PLEKHG6: variants seen among roughly 807,000 people sequenced by gnomAD.
PLEKHG6 encodes pleckstrin homology domain-containing family G member 6.
Under a neutral mutation model 97.5 loss-of-function variants are expected in PLEKHG6, and 91 were observed. The ratio of observed to expected loss-of-function variants is 0.93; its 90% confidence interval spans 0.79 to 1.11. PLEKHG6 has a LOEUF of 1.11. Among genes scored for constraint, PLEKHG6 ranks in the 50% most tolerant of loss-of-function variants. The probability of loss-of-function intolerance (pLI) is 0.00; values close to 1 mark genes in which losing one functional copy is unlikely to be tolerated. For missense variants in PLEKHG6, 1,044 were observed against 1,031.0 expected (o/e 1.01, Z -0.17); for synonymous variants, 466 against 425.5 (o/e 1.10, Z -1.17).
In PLEKHG6 at chr12:6,317,944, C is replaced by T. The variant is rs368643831; in HGVS notation, c.1105C>T (p.Arg369Cys). 21 of 1,579,662 alleles carry T rather than the reference C, an allele frequency of 1.3e-5. No homozygotes were observed. Among genetic ancestry groups the T allele is most frequent in the East Asian group, 6.9e-5 (3 of 43,694 alleles). The change falls in exon 10 of 16, where the codon CGC (arginine) becomes TGC (cysteine). Residue 369 changes from arginine to cysteine, a missense_variant. Physicochemically the swap from Arg to Cys is radical, Grantham distance 180. Coordinates refer to ENST00000684764, the MANE Select transcript of PLEKHG6 (RefSeq NM_001384598.1). ...EQESLAAAAQ[R>C]IGPYEVLEPP... is the part of the protein sequence containing the mutation. ...AGAGAGCTTGGCGGCTGCAGCACAA[C>T]GCATCGGGCCCTACGAGGTGCTGGA... is the stretch of plus-strand genomic sequence containing the variant.
chr12:6,319,127 C>T lies in PLEKHG6; in HGVS notation c.1524+19C>T, dbSNP rs115884877. ...GGCCCAGGTATGGGAAAGCCAGCAA[C>T]GGGGAGGCATGGGCAGGGGTCCCCG... is the stretch of plus-strand genomic sequence containing the variant. On this transcript the variant is annotated intron_variant, in intron 13 of 15. Coordinates refer to ENST00000684764, the MANE Select transcript of PLEKHG6 (RefSeq NM_001384598.1). 2.0e-3 allele frequency: 3,081 copies of T among 1,549,688 alleles called. 53 individuals are homozygous for T. The African/African-American group carries it at 0.037, about 19-fold the overall frequency.
chr12:6,312,375 G>C lies in PLEKHG6; in HGVS notation c.138+11G>C, dbSNP rs752490831. On this transcript the variant is annotated intron_variant, in intron 2 of 15. Coordinates refer to ENST00000684764, the MANE Select transcript of PLEKHG6 (RefSeq NM_001384598.1). Reference sequence around the variant, plus strand: ...GGATACCCTGTGCTGGTGAGTCCAGGCTGTGCCCCAAAAGTGACCTGGTGG... The same window carrying C: ...GGATACCCTGTGCTGGTGAGTCCAGCCTGTGCCCCAAAAGTGACCTGGTGG... The C allele has an allele frequency of 6.4e-7, 1 of 1,572,720 alleles. No homozygotes were observed. The highest frequency in any genetic ancestry group is 8.6e-7 in the Non-Finnish European group (1 of 1,163,958).
chr12:6,313,712 G>A lies in PLEKHG6; in HGVS notation c.222G>A (p.Leu74=). ...CCCGAGGCCTGTCACCCATGAGACT[G>A]CGAGATCCAGAGCCCGAGAAGAGGC... ...GQARGLSPMR[L]RDPEPEKRHG... The change falls in exon 3 of 16, where the codon CTG becomes CTA. Residue 74 remains leucine (L), a synonymous_variant. Coordinates refer to ENST00000684764, the MANE Select transcript of PLEKHG6 (RefSeq NM_001384598.1). The A allele has an allele frequency of 2.5e-6, 4 of 1,612,862 alleles. No homozygotes were observed. The highest frequency in any genetic ancestry group is 3.4e-6 in the Non-Finnish European group (4 of 1,179,564).
At chr12:6,322,150 G>A (rs1947726729) in intron 13 of PLEKHG6, among the ~76,000 whole-genome samples, 5 of 152,198 alleles carry the variant, frequency 3.3e-5, no homozygotes, top group South Asian at 2.1e-4. Context: ...CGAAGCTTCA[G>A]TTTGGAACAC....
Position 6,319,072 on chromosome 12 carries a change from C to T in PLEKHG6, c.1488C>T (p.Asp496=), listed in dbSNP as rs758668192. The change falls in exon 13 of 16, where the codon GAC becomes GAT. Residue 496 remains aspartate, a synonymous_variant. Transcript: ENST00000684764. ...ALLVHCPSPT[D]RAQWLEKTQQ... ...TTGTGCACTGTCCCAGTCCTACAGA[C>T]CGTGCCCAGTGGCTGGAGAAGACCC... 1.2e-6 allele frequency: 2 copies of T among 1,610,346 alleles called. No individual in the cohort carries two copies. The highest frequency in any genetic ancestry group is 1.7e-6 in the Non-Finnish European group (2 of 1,176,960).
chr12:6,317,433 G>A lies in PLEKHG6; in HGVS notation c.867+20G>A, dbSNP rs377329828. 4 of 1,609,124 alleles carry A rather than the reference G, an allele frequency of 2.5e-6. No homozygotes were observed. The highest frequency in any genetic ancestry group is 3.4e-6 in the Non-Finnish European group (4 of 1,176,126). ...GTGCAGGTGGGAGAAGGGGTGCTGG[G>A]GAGGGGGACGGGTGCATCTTAGCCG... On this transcript the variant is annotated intron_variant, in intron 8 of 15. Transcript: ENST00000684764.
rs1947355019 is a variant in PLEKHG6, at chr12:6,313,778, ACTCAAGGTAAGGGGGTCCCT to A, written c.292_294+17del. ...GGGCTGGCCTGCTTCACTCCCCCAAACTCAAGGTAAGGGGGTCCCTCTCCTCCCATCCCCACACATACGGC... is the reference window on the plus strand; with the variant it reads ...GGGCTGGCCTGCTTCACTCCCCCAAACTCCTCCCATCCCCACACATACGGC... On this transcript the variant is annotated splice_donor_variant and splice_donor_5th_base_variant and coding_sequence_variant and intron_variant, in exon 3 of 16. Transcript: ENST00000684764. LOFTEE classifies it high-confidence loss of function. 1 of 1,577,854 alleles carries A rather than the reference ACTCAAGGTAAGGGGGTCCCT, an allele frequency of 6.3e-7. No homozygotes were observed. The highest frequency in any genetic ancestry group is 8.6e-7 in the Non-Finnish European group (1 of 1,162,368).
chr12:6,319,441 C>G lies in PLEKHG6; in HGVS notation c.1524+333C>G, dbSNP rs990446374. 1.5e-5 allele frequency: 18 copies of G among 1,207,590 alleles called. No individual in the cohort carries two copies. In the African/African-American group the frequency reaches 2.3e-4, roughly 16 times the overall value. 74.8% of individuals were successfully genotyped at this position (1,207,590 alleles called of 1,614,324 possible). A position where few individuals can be genotyped will look rare whatever the true frequency, so the allele number is the denominator to read the frequency against. On this transcript the variant is annotated intron_variant, in intron 13 of 15. Transcript: ENST00000684764. The stretch of plus-strand genomic sequence containing the variant: ...CTAGCCTGGGTGACAGAGTGAGACC[C>G]TGAAGAAGAAGGAAAAAAAAAAGAA...
At position 6,328,264 on chromosome 12, in the gene PLEKHG6, G is replaced by T; in HGVS notation, c.*119G>T. 9.8e-7 allele frequency: 1 copy of T among 1,024,272 alleles called. No individual in the cohort carries two copies. Among genetic ancestry groups the T allele is most frequent in the Non-Finnish European group, 1.5e-6 (1 of 662,432 alleles). The allele number at this position is 1,024,272 out of a possible 1,614,324, so 63.4% of individuals were successfully genotyped here. On this transcript the variant is annotated 3_prime_UTR_variant, in exon 16 of 16. Coordinates refer to ENST00000684764, the MANE Select transcript of PLEKHG6 (RefSeq NM_001384598.1). ...GGACCACATTTCCCAAAGGAAGCCTGGCCCAGGCACCCTGCCTCCTGCTCT... is the reference window on the plus strand; with the variant it reads ...GGACCACATTTCCCAAAGGAAGCCTTGCCCAGGCACCCTGCCTCCTGCTCT...
At chr12:6,321,316 A>G (rs1349977800) in intron 13 of PLEKHG6, among the ~76,000 whole-genome samples, 1 of 151,770 alleles carries the variant, frequency 6.6e-6, no homozygotes, top group Non-Finnish European at 1.5e-5. Context: ...GCCACCGTGC[A>G]TAGCCCTGCC....
intron 13 of PLEKHG6, among the ~76,000 whole-genome samples, chr12:6,325,452 TTCTCAG>T (rs770024917): frequency 2.6e-5 from 4 of 152,228 alleles, no homozygotes; most frequent in Non-Finnish European, 5.9e-5. Flanking sequence ...TGAAAATTTT[TTCTCAG>T]GTGGCGCTAT....
Position 6,315,670 on chromosome 12 carries a change from GC to G in PLEKHG6, c.555+25del, listed in dbSNP as rs1409802577. The G allele has an allele frequency of 1.4e-6, 2 of 1,477,218 alleles. No homozygotes were observed. Among genetic ancestry groups the G allele is most frequent in the Non-Finnish European group, 9.3e-7 (1 of 1,073,442 alleles). The allele number at this position is 1,477,218 out of a possible 1,614,324, so 91.5% of individuals were successfully genotyped here. A position where few individuals can be genotyped will look rare whatever the true frequency, so the allele number is the denominator to read the frequency against. On this transcript the variant is annotated intron_variant, in intron 5 of 15. Transcript: ENST00000684764. The surrounding 1 kb of genome is among the most constrained non-coding windows in gnomAD (Gnocchi z 4.5). ...CTGATGTGAGCCCCCCTCAGCCCCA[GC>G]CCCGGCCCCATCTTCCCTGCATGAG...
At position 6,316,449 on chromosome 12, in the gene PLEKHG6, G is replaced by A; in HGVS notation, c.756+45G>A. 6.6e-7 allele frequency: 1 copy of A among 1,511,122 alleles called. No individual in the cohort carries two copies. The allele number at this position is 1,511,122 out of a possible 1,614,324, so 93.6% of individuals were successfully genotyped here. On this transcript the variant is annotated intron_variant, in intron 7 of 15. Coordinates refer to ENST00000684764, the MANE Select transcript of PLEKHG6 (RefSeq NM_001384598.1). The surrounding 1 kb of genome is among the most constrained non-coding windows in gnomAD (Gnocchi z 4.1). ...GTGTCTGGATGGGGCAGGACTCGGA[G>A]CCCTCGGGGGTCCTGTGTGTAGGGC...
At position 6,327,940 on chromosome 12, in the gene PLEKHG6, C is replaced by A; in HGVS notation, c.2357C>A (p.Ser786Tyr). 1 of 1,491,728 alleles carries A rather than the reference C, an allele frequency of 6.7e-7. No homozygotes were observed. The highest frequency in any genetic ancestry group is 8.9e-7 in the Non-Finnish European group (1 of 1,120,250). 92.4% of individuals were successfully genotyped at this position (1,491,728 alleles called of 1,614,324 possible). A position where few individuals can be genotyped will look rare whatever the true frequency, so the allele number is the denominator to read the frequency against. Residue 786 changes from serine (S) to tyrosine (Y), a missense_variant, in exon 15 of 16, where the codon TCC becomes TAC. By Grantham distance (144) the Ser-to-Tyr change is moderately radical. Transcript: ENST00000684764. ...PHIIQLDTPL[S>Y]ASEV is the part of the protein sequence containing the mutation. ...ATCATTCAGCTGGACACCCCTCTGT[C>A]CGCATCGTAAGTGCTGGAGGGAAGC...
intron 13 of PLEKHG6, among the ~76,000 whole-genome samples, chr12:6,321,926 GT>G (rs1379957727): frequency 6.6e-6 from 1 of 152,030 alleles, no homozygotes; most frequent in African/African-American, 2.4e-5. Context: ...TCAGACACCG[GT>G]CCTACCAGGT....
chr12:6,318,873 C>T lies in PLEKHG6; in HGVS notation c.1404C>T (p.Asp468=), dbSNP rs142505365. The part of the protein sequence containing the change: ...LEKLVCQPLR[D]PNSFLLIHLT... ...AGCTCGTGTGCCAACCCCTGCGAGA[C>T]CCCAGTACGTCCTTCCTTCAGGGAG... The change falls in exon 12 of 16, where the codon GAC becomes GAT. Residue 468 remains aspartate (D), a synonymous_variant. Transcript: ENST00000684764. 1.5e-4 allele frequency: 242 copies of T among 1,614,236 alleles called. 1 individual carries two copies. In the South Asian group the frequency reaches 2.4e-3, roughly 16 times the overall value.
Position 6,312,262 on chromosome 12 carries a change from C to T in PLEKHG6, c.36C>T (p.Leu12=), listed in dbSNP as rs762695887. 2 of 1,542,998 alleles carry T rather than the reference C, an allele frequency of 1.3e-6. No homozygotes were observed. The highest frequency in any genetic ancestry group is 2.5e-5 in the South Asian group (2 of 80,084). ...KAFGPPHEGP[L]QGLVASRIET... The stretch of plus-strand genomic sequence containing the variant: ...TTGGTCCTCCACATGAGGGCCCCCT[C>T]CAAGGACTCGTGGCCTCCCGCATTG... The change falls in exon 2 of 16, where the codon CTC becomes CTT. Residue 12 remains leucine (L), a synonymous_variant. Transcript: ENST00000684764.
intron 13 of PLEKHG6, among the ~76,000 whole-genome samples, chr12:6,323,412 T>C (rs951215669): frequency 1.3e-5 from 2 of 152,244 alleles, no homozygotes; most frequent in Non-Finnish European, 2.9e-5. Flanking sequence ...GTCCCTTTCA[T>C]AGAGCAATCC....
rs540457697 is a variant in PLEKHG6, at chr12:6,310,710, T to G, written c.-207T>G. 2,770 of 152,016 alleles carry G rather than the reference T, an allele frequency of 0.018. 90 individuals are homozygous for G. The highest frequency in any genetic ancestry group is 0.063 in the African/African-American group (2,600 of 41,450). The allele number at this position is 152,016 out of a possible 1,614,324, so 9.4% of individuals were successfully genotyped here. A position where few individuals can be genotyped will look rare whatever the true frequency, so the allele number is the denominator to read the frequency against. ...CTCGCCCGGACCCGCGCTGCCCGGC[T>G]CCCGCGGGCCGCTCGATCCCAGTCC... On this transcript the variant is annotated 5_prime_UTR_variant, in exon 1 of 16. Coordinates refer to ENST00000684764, the MANE Select transcript of PLEKHG6 (RefSeq NM_001384598.1).
Sources: gnomAD v4.1 joint callset for allele counts (sites outside exome capture counted in the v4.1 genomes callset) on GRCh38, gnomAD v4.1.1 for gene constraint, Gnocchi (gnomAD v3.1) non-coding constraint, MANE v1.5 for transcripts, NCBI Gene and HGNC (gene_info 2026-07-23, HGNC 2026-07-21) for gene names.